The following LRRC7 variants were observed in gnomAD, a reference collection of about 807,000 sequenced individuals.
LRRC7 encodes the protein leucine rich repeat containing 7.
LRRC7 carries 23 observed loss-of-function variants against 175.7 expected under a neutral mutation model. That is an observed-to-expected ratio of 0.13 (90% CI 0.09 to 0.19). The LOEUF (loss-of-function observed/expected upper bound fraction) is 0.19. Ranked by LOEUF, LRRC7 falls within the 10% of genes least tolerant of loss-of-function variation. LRRC7 has a pLI of 1.00. For synonymous variants in LRRC7, 685 were observed against 680.9 expected (o/e 1.01, Z -0.09); for missense variants, 1,354 against 1,904.7 (o/e 0.71, Z 5.38).
intron 2 of LRRC7, among the ~76,000 whole-genome samples, chr1:69,694,167 CTGCATTTCCCCT>C (rs1301040572): frequency 1.3e-5 from 2 of 152,188 alleles, no homozygotes; most frequent in Non-Finnish European, 2.9e-5. Context: ...CCTCATCTTG[CTGCATTTCCCCT>C]AATTCCTGAG....
Position 70,118,702 on chromosome 1 carries a change from T to C in LRRC7, c.4621-3078T>C, listed in dbSNP as rs2102238905. Among the ~76,000 whole-genome samples, 3 of 152,248 alleles carry C rather than the reference T, an allele frequency of 2.0e-5. No individual in the cohort carries two copies. The South Asian group carries it at 6.2e-4, about 32-fold the overall frequency. ...TGGTTGTATGACCTCAGACAAGTTG[T>C]TTGGTCTCCTTAAAATGAAGGTCTT... On this transcript the variant is annotated intron_variant, in intron 26 of 26. Transcript: ENST00000651989.
intron 2 of LRRC7, among the ~76,000 whole-genome samples, chr1:69,744,794 A>C (rs1487580477): frequency 6.6e-6 from 1 of 151,926 alleles, no homozygotes; most frequent in Non-Finnish European, 1.5e-5. Flanking sequence ...ACTGTCACTA[A>C]TGGAAAACAA....
intron 17 of LRRC7, among the ~76,000 whole-genome samples, chr1:70,024,247 A>G (rs901419952): frequency 1.4e-4 from 22 of 151,842 alleles, no homozygotes; most frequent in Middle Eastern, 3.4e-3. Flanking sequence ...ACTGGAATTT[A>G]CAATCAAATC....
chr1:70,023,006 A>G, intron 16 of LRRC7, 120 bp from the exon 17 acceptor site: 1 of 1,238,598 alleles, frequency 8.1e-7, no homozygotes, highest in African/African-American at 1.5e-5. Flanking sequence ...TAACTTTATG[A>G]TCATTATTTT....
At chr1:69,712,702 TA>T (rs1407383942) in intron 2 of LRRC7, among the ~76,000 whole-genome samples, 3 of 152,180 alleles carry the variant, frequency 2.0e-5, no homozygotes, top group Non-Finnish European at 4.4e-5. Context: ...CTTTCAGCAT[TA>T]AAAATGTAGT....
chr1:69,614,037 T>C (rs966818337), intron 1 of LRRC7, among the ~76,000 whole-genome samples: 1 of 149,866 alleles, frequency 6.7e-6, no homozygotes, highest in African/African-American at 2.5e-5. Flanking sequence ...GTTTCAGACA[T>C]TTGAAAATTA....
chr1:69,856,640 A>C (rs1160183532), intron 7 of LRRC7, among the ~76,000 whole-genome samples: 2 of 152,168 alleles, frequency 1.3e-5, no homozygotes, highest in African/African-American at 4.8e-5. Flanking sequence ...TAACCAAAAA[A>C]AGTCCAGGAC....
At chr1:69,958,163 A>G (rs1042284855) in intron 8 of LRRC7, among the ~76,000 whole-genome samples, 9 of 151,966 alleles carry the variant, frequency 5.9e-5, no homozygotes, top group Non-Finnish European at 8.8e-5. Flanking sequence ...CAGCCATAAA[A>G]TTTCTTTTAA....
chr1:70,031,964 C>T (rs1222060578), intron 18 of LRRC7, among the ~76,000 whole-genome samples: 1 of 151,870 alleles, frequency 6.6e-6, no homozygotes, highest in African/African-American at 2.4e-5. Flanking sequence ...ACAGCCAGCT[C>T]ATTTTTGTAT....
chr1:69,703,749 T>G (rs1190204118), intron 2 of LRRC7, among the ~76,000 whole-genome samples: 1 of 152,026 alleles, frequency 6.6e-6, no homozygotes, highest in Non-Finnish European at 1.5e-5. Context: ...GATGTTTATA[T>G]TCATATGTAT....
At chr1:70,057,599 T>C (rs1481474768) in intron 23 of LRRC7, among the ~76,000 whole-genome samples, 1 of 151,850 alleles carries the variant, frequency 6.6e-6, no homozygotes, top group East Asian at 1.9e-4. Context: ...TGTAGATTTT[T>C]TTTTTTTAAT....
chr1:69,756,366 T>G (rs1466026143), intron 2 of LRRC7, among the ~76,000 whole-genome samples: 3 of 151,720 alleles, frequency 2.0e-5, no homozygotes, highest in African/African-American at 7.3e-5. Flanking sequence ...ATCAATTAAA[T>G]AATAATAACA....
At chr1:70,075,775 C>T (rs189686593) in intron 23 of LRRC7, among the ~76,000 whole-genome samples, 19 of 152,156 alleles carry the variant, frequency 1.2e-4, no homozygotes, top group South Asian at 2.1e-4. Flanking sequence ...TTTTAAGTTG[C>T]GACTTAATTT....
chr1:70,003,846 TA>T (rs148135670), intron 11 of LRRC7, among the ~76,000 whole-genome samples: 91 of 148,192 alleles, frequency 6.1e-4, no homozygotes, highest in African/African-American at 1.6e-3. Flanking sequence ...ATAGTATCTT[TA>T]AAAAAAAAAA....
intron 2 of LRRC7, among the ~76,000 whole-genome samples, chr1:69,693,849 CA>C (rs1662220542): frequency 6.6e-6 from 1 of 152,142 alleles, no homozygotes; most frequent in Non-Finnish European, 1.5e-5. Flanking sequence ...CTTTCTTTAA[CA>C]ATATGAAACT....
At chr1:70,117,545 A>G (rs140510421) in intron 26 of LRRC7, among the ~76,000 whole-genome samples, 243 of 152,304 alleles carry the variant, frequency 1.6e-3, no homozygotes, top group African/African-American at 5.7e-3. Context: ...ACAATTAAAA[A>G]ACATTTTGTG....
chr1:69,843,225 C>A (rs896990727), intron 7 of LRRC7, among the ~76,000 whole-genome samples: 1 of 151,372 alleles, frequency 6.6e-6, no homozygotes, highest in African/African-American at 2.4e-5. Flanking sequence ...AAAAAAAAAA[C>A]CTAGTATAGA....
chr1:69,907,664 A>G (rs1054198573), intron 7 of LRRC7, among the ~76,000 whole-genome samples: 1 of 152,212 alleles, frequency 6.6e-6, no homozygotes, highest in African/African-American at 2.4e-5. Context: ...TCGATTTGCC[A>G]GTATTTTATT....
intron 25 of LRRC7, among the ~76,000 whole-genome samples, chr1:70,100,814 C>T (rs1037370748): frequency 1.3e-5 from 2 of 152,056 alleles, no homozygotes; most frequent in Non-Finnish European, 1.5e-5. Flanking sequence ...CTTCTCCTCT[C>T]TCTTAACTTC....
Sources: allele counts gnomAD v4.1 joint callset (sites outside exome capture counted in the v4.1 genomes callset), GRCh38; gene constraint gnomAD v4.1.1; transcripts MANE v1.5; gene names NCBI Gene and HGNC (gene_info 2026-07-23, HGNC 2026-07-21).